NKAIN2: variants seen among roughly 807,000 people sequenced by gnomAD.
NKAIN2 encodes the protein sodium/potassium-transporting ATPase subunit beta-1-interacting protein 2.
NKAIN2 carries 14 observed loss-of-function variants against 32.6 expected under a neutral mutation model. The observed-to-expected ratio is 0.43, with a 90% CI of 0.28 to 0.67. NKAIN2 has a LOEUF of 0.67. Among genes scored for constraint, NKAIN2 ranks in the 30% least tolerant of loss-of-function variants. The pLI, the probability that NKAIN2 is intolerant of heterozygous loss-of-function variation, is 0.17. For missense variants in NKAIN2, 198 were observed against 258.3 expected (o/e 0.77, Z 1.60); for synonymous variants, 80 against 87.2 (o/e 0.92, Z 0.46).
chr6:124,012,953 G>A (rs1780402939), intron 1 of NKAIN2, among the ~76,000 whole-genome samples: 1 of 152,180 alleles, frequency 6.6e-6, no homozygotes, highest in East Asian at 1.9e-4. Flanking sequence ...TCCACCAGTA[G>A]TTCATGTGAA....
chr6:124,612,070 A>G (rs1782710817), intron 3 of NKAIN2, among the ~76,000 whole-genome samples: 1 of 152,072 alleles, frequency 6.6e-6, no homozygotes, highest in East Asian at 1.9e-4. Context: ...CTAAGATTAT[A>G]TCATTTATGT....
intron 4 of NKAIN2, among the ~76,000 whole-genome samples, chr6:124,751,528 G>A (rs746221772): frequency 9.2e-5 from 14 of 151,856 alleles, no homozygotes; most frequent in Non-Finnish European, 1.9e-4. Context: ...TTGAAAAATA[G>A]GGTAGTTACA....
chr6:124,661,040 A>T (rs949888113), intron 4 of NKAIN2, among the ~76,000 whole-genome samples: 2 of 152,128 alleles, frequency 1.3e-5, no homozygotes, highest in Non-Finnish European at 2.9e-5. Flanking sequence ...TCTAGTGGAA[A>T]ATTCCTCAGT....
chr6:124,225,332 A>G (rs1792051143), intron 1 of NKAIN2, among the ~76,000 whole-genome samples: 1 of 152,058 alleles, frequency 6.6e-6, no homozygotes, highest in Non-Finnish European at 1.5e-5. Flanking sequence ...CATTTATGAT[A>G]CTATGTCTTA....
chr6:124,772,238 T>C (rs560632567), intron 4 of NKAIN2, among the ~76,000 whole-genome samples: 1 of 152,182 alleles, frequency 6.6e-6, no homozygotes, highest in East Asian at 1.9e-4. Context: ...TGGTCTTAGT[T>C]GTAGAAACTT....
intron 1 of NKAIN2, among the ~76,000 whole-genome samples, chr6:124,273,262 G>A (rs1237901118): frequency 6.6e-6 from 1 of 151,836 alleles, no homozygotes; most frequent in East Asian, 1.9e-4. Context: ...GGGGTCGATT[G>A]GATCCTGGGG....
intron 1 of NKAIN2, among the ~76,000 whole-genome samples, chr6:123,957,348 C>A: frequency 6.6e-6 from 1 of 152,146 alleles, no homozygotes; most frequent in East Asian, 1.9e-4. Flanking sequence ...AAAGTGACTT[C>A]CTTAGCAGAT....
chr6:123,906,376 G>C (rs531274723), intron 1 of NKAIN2, among the ~76,000 whole-genome samples: 2 of 151,514 alleles, frequency 1.3e-5, no homozygotes, highest in African/African-American at 4.9e-5. Flanking sequence ...CTGCGGTCTC[G>C]ACTTCCTGGG....
chr6:124,200,271 A>G (rs960126186), intron 1 of NKAIN2, among the ~76,000 whole-genome samples: 1 of 152,082 alleles, frequency 6.6e-6, no homozygotes, highest in African/African-American at 2.4e-5. Context: ...CTTTCCTTAA[A>G]CTCAGGAATA....
chr6:123,907,229 G>GT (rs549053331), intron 1 of NKAIN2, among the ~76,000 whole-genome samples: 9 of 151,252 alleles, frequency 6.0e-5, no homozygotes, highest in Non-Finnish European at 1.2e-4. Flanking sequence ...TTTCTATTTT[G>GT]TTTTTTTTAG....
intron 1 of NKAIN2, among the ~76,000 whole-genome samples, chr6:124,273,852 C>T (rs1316932785): frequency 2.0e-5 from 3 of 152,156 alleles, no homozygotes; most frequent in Non-Finnish European, 2.9e-5. Context: ...TAAATGGACG[C>T]ATTATATTTT....
chr6:124,051,724 C>G lies in NKAIN2; in HGVS notation c.55-231281C>G, dbSNP rs185475721. Among the ~76,000 whole-genome samples the G allele has an allele frequency of 2.9e-4, 44 of 151,972 alleles. 2 individuals are homozygous for G. The highest frequency in any genetic ancestry group is 1.1e-3 in the African/African-American group (44 of 41,472). On this transcript the variant is annotated intron_variant, in intron 1 of 6. Coordinates refer to ENST00000368417, the MANE Select transcript of NKAIN2 (RefSeq NM_001040214.3). The stretch of plus-strand genomic sequence containing the variant: ...CAAGATGAGATGCAATGAATGGAGT[C>G]AAAATAATTTCATTGAATTGGTGAA...
intron 1 of NKAIN2, among the ~76,000 whole-genome samples, chr6:123,961,575 T>C: frequency 6.6e-6 from 1 of 152,208 alleles, no homozygotes; most frequent in East Asian, 1.9e-4. Flanking sequence ...TGCCAGAATA[T>C]TCATAATACT....
At chr6:124,742,929 A>G (rs1396724755) in intron 4 of NKAIN2, among the ~76,000 whole-genome samples, 1 of 151,940 alleles carries the variant, frequency 6.6e-6, no homozygotes, top group Admixed American at 6.6e-5. Context: ...TAAAATTACA[A>G]TTCACTCAAA....
intron 4 of NKAIN2, among the ~76,000 whole-genome samples, chr6:124,736,903 C>A (rs12191554): frequency 6.6e-6 from 1 of 151,802 alleles, no homozygotes; most frequent in Admixed American, 6.6e-5. Flanking sequence ...ACTTTCAGCT[C>A]TTATTATTTT....
intron 3 of NKAIN2, among the ~76,000 whole-genome samples, chr6:124,463,335 A>G (rs1282189711): frequency 6.6e-6 from 1 of 152,114 alleles, no homozygotes; most frequent in African/African-American, 2.4e-5. Flanking sequence ...GCATATACAT[A>G]TGCACGTTTT....
chr6:124,402,684 A>T (rs373062144), intron 3 of NKAIN2, among the ~76,000 whole-genome samples: 37 of 152,338 alleles, frequency 2.4e-4, no homozygotes, highest in African/African-American at 8.9e-4. Context: ...CATGATCCTA[A>T]GCAAACTAAC....
At chr6:124,635,384 A>T (rs1188536234) in intron 3 of NKAIN2, among the ~76,000 whole-genome samples, 1 of 152,080 alleles carries the variant, frequency 6.6e-6, no homozygotes, top group Non-Finnish European at 1.5e-5. Context: ...AATGGCAAAG[A>T]TAAAGAATAA....
intron 4 of NKAIN2, among the ~76,000 whole-genome samples, chr6:124,763,000 T>C (rs1342609732): frequency 1.3e-5 from 2 of 152,168 alleles, no homozygotes; most frequent in Non-Finnish European, 2.9e-5. Context: ...TGTTCAGTGT[T>C]GAAAATGGGT....
Sources: allele counts gnomAD v4.1 joint callset (sites outside exome capture counted in the v4.1 genomes callset), GRCh38; gene constraint gnomAD v4.1.1; transcripts MANE v1.5; gene names NCBI Gene and HGNC (gene_info 2026-07-23, HGNC 2026-07-21).